AP1S1: variants seen among roughly 807,000 people sequenced by gnomAD.
AP1S1 encodes the protein adaptor related protein complex 1 subunit sigma 1.
A neutral mutation model predicts 23.9 loss-of-function variants in AP1S1; 13 were observed. The ratio of observed to expected loss-of-function variants is 0.54; its 90% CI spans 0.35 to 0.86. The LOEUF (loss-of-function observed/expected upper bound fraction) is 0.86, where lower values mean the gene tolerates loss of function less well. Ranked by LOEUF, AP1S1 falls within the 40% of genes least tolerant of loss-of-function variation. AP1S1 has a pLI of 0.01. For missense variants in AP1S1, 119 were observed against 197.6 expected (o/e 0.60, Z 2.38); for synonymous variants, 84 against 77.7 (o/e 1.08, Z -0.43).
Position 101,154,507 on chromosome 7 carries a change from G to T in AP1S1, c.-8G>T. 1.3e-6 allele frequency: 2 copies of T among 1,573,672 alleles called. No homozygotes were observed. Among genetic ancestry groups the T allele is most frequent in the Non-Finnish European group, 1.7e-6 (2 of 1,160,184 alleles). ...CGAAGTGGGACGCGCCGAGCCGGAG[G>T]CTGCAGGATGGTAGGCTGTGCGAAG... On this transcript the variant is annotated 5_prime_UTR_variant, in exon 1 of 5. Transcript: ENST00000337619.
At chr7:101,155,108 C>A in intron 1 of AP1S1, 3 of 858,092 alleles carry the variant, frequency 3.5e-6, no homozygotes, top group Non-Finnish European at 4.2e-6. Flanking sequence ...CTCTCTGCCC[C>A]CCTTCCCATT....
chr7:101,154,640 C>T (rs1188274004), intron 1 of AP1S1, 123 bp downstream of exon 1: 39 of 1,182,614 alleles, frequency 3.3e-5, no homozygotes, highest in Non-Finnish European at 4.3e-5. Flanking sequence ...AGAGGCCTCC[C>T]TTGCCTCGGC....
intron 1 of AP1S1, among the ~76,000 whole-genome samples, chr7:101,155,952 C>T (rs887105833): frequency 6.6e-6 from 1 of 152,004 alleles, no homozygotes; most frequent in African/African-American, 2.4e-5. Flanking sequence ...AACTAACGGC[C>T]GGGCGCAGTG....
intron 2 of AP1S1, 142 bp from the exon 3 acceptor site, chr7:101,157,235 T>G (rs1584203700): frequency 1.7e-6 from 1 of 601,646 alleles, no homozygotes; most frequent in Admixed American, 2.9e-5. Flanking sequence ...GGCAGGTGAG[T>G]TACTCTTTAC....
chr7:101,157,373 G>T lies in AP1S1; in HGVS notation c.183-4G>T. On this transcript the variant is annotated splice_region_variant and splice_polypyrimidine_tract_variant and intron_variant, in intron 2 of 4. Transcript: ENST00000337619. Reference sequence around the variant, plus strand: ...AGCGATGTCTCATGCGCTCCTCTCCGCAGATATGCCAGCCTCTACTTCTGC... The same window carrying T: ...AGCGATGTCTCATGCGCTCCTCTCCTCAGATATGCCAGCCTCTACTTCTGC... 1.3e-6 allele frequency: 2 copies of T among 1,561,950 alleles called. No individual in the cohort carries two copies. The highest frequency in any genetic ancestry group is 8.7e-7 in the Non-Finnish European group (1 of 1,152,754).
intron 3 of AP1S1, among the ~76,000 whole-genome samples, chr7:101,158,474 CG>C (rs1797029445): frequency 6.6e-6 from 1 of 152,142 alleles, no homozygotes. Context: ...GTCCAGGAAG[CG>C]GGGCTACCAC....
chr7:101,159,297 G>A, intron 4 of AP1S1, 101 bp downstream of exon 4: 1 of 1,493,962 alleles, frequency 6.7e-7, no homozygotes, highest in Non-Finnish European at 9.0e-7. Flanking sequence ...CGTCGCCAAG[G>A]AGCCCCCCCT....
intron 1 of AP1S1, among the ~76,000 whole-genome samples, chr7:101,155,895 G>A (rs1161276659): frequency 6.6e-6 from 1 of 152,134 alleles, no homozygotes; most frequent in East Asian, 1.9e-4. Context: ...CCTTTAGAAA[G>A]CAGACCAGAA....
chr7:101,160,235 G>A (rs987385748), intron 4 of AP1S1, among the ~76,000 whole-genome samples: 3 of 151,842 alleles, frequency 2.0e-5, no homozygotes, highest in East Asian at 1.9e-4. Context: ...GTGTCAAGGC[G>A]GGGCCCCTGC....
intron 4 of AP1S1, 136 bp downstream of exon 4, chr7:101,159,332 C>T (rs148622657): frequency 5.5e-5 from 71 of 1,297,738 alleles, no homozygotes; most frequent in Non-Finnish European, 4.8e-5. Flanking sequence ...ACCCCCACCA[C>T]GCCCAGCTCT....
At position 101,160,521 on chromosome 7, in the gene AP1S1, G is replaced by A; in HGVS notation, c.432G>A (p.Glu144=). 3 of 1,611,790 alleles carry A rather than the reference G, an allele frequency of 1.9e-6. No individual in the cohort carries two copies. Among genetic ancestry groups the A allele is most frequent in the Non-Finnish European group, 2.5e-6 (3 of 1,179,870 alleles). The change falls in exon 5 of 5, where the codon GAG becomes GAA. Residue 144 remains glutamate, a splice_region_variant and synonymous_variant. Transcript: ENST00000337619. ...CCCTCTGTCTGTCTCTGCCTTAGGA[G>A]GATGAGTCGCCACGGAGTGTGCTGG... ...AIEQADLLQE[E]DESPRSVLEE...
At chr7:101,155,426 C>T (rs1255176524) in intron 1 of AP1S1, among the ~76,000 whole-genome samples, 2 of 152,176 alleles carry the variant, frequency 1.3e-5, no homozygotes, top group Admixed American at 1.3e-4. Context: ...CCACTTGACC[C>T]AGCTTGCTGT....
rs1042886623 is a variant in AP1S1 at position 101,160,686 on chromosome 7, C to T, written c.*120C>T. 78 of 1,196,648 alleles carry T rather than the reference C, an allele frequency of 6.5e-5. No individual in the cohort carries two copies. The highest frequency in any genetic ancestry group is 8.7e-5 in the Non-Finnish European group (72 of 823,860). The allele number at this position is 1,196,648 out of a possible 1,614,324, so 74.1% of individuals were successfully genotyped here. On this transcript the variant is annotated 3_prime_UTR_variant, in exon 5 of 5. Transcript: ENST00000337619. ...GGCTGCCCCTCCTCTGCTGCCTCAC[C>T]TTTCGGAGTGAGCTGTGGGCTCAGG... is the stretch of plus-strand genomic sequence containing the variant.
Position 101,159,123 on chromosome 7 carries a change from TG to T in AP1S1, c.364del (p.Asp122MetfsTer11), listed in dbSNP as rs767358930. The T allele has an allele frequency of 9.3e-6, 15 of 1,612,576 alleles. No individual in the cohort carries two copies. Among genetic ancestry groups the T allele is most frequent in the South Asian group, 2.2e-5 (2 of 90,968 alleles). ...KAYFILDEFL[M>X]GGDVQDTSKK... Reference sequence around the variant, plus strand: ...TACTTCATCCTGGATGAGTTTTTGATGGGGGGGGATGTCCAGGACACCTCCA... The same window carrying T: ...TACTTCATCCTGGATGAGTTTTTGATGGGGGGGATGTCCAGGACACCTCCA... On this transcript the variant is annotated frameshift_variant, in exon 4 of 5. Coordinates refer to ENST00000337619, the MANE Select transcript of AP1S1 (RefSeq NM_001283.5). LOFTEE classifies it high-confidence loss of function.
Position 101,160,599 on chromosome 7 carries a change from C to G in AP1S1, c.*33C>G, listed in dbSNP as rs973805264. 5 of 1,607,892 alleles carry G rather than the reference C, an allele frequency of 3.1e-6. No homozygotes were observed. In the Admixed American group the frequency reaches 6.7e-5, roughly 21 times the overall value. ...TGGGCCGGGGTGTGGCGATGGGGTCCTGGCAGCGTGGCGGGAACGGCTGCT... is the reference window on the plus strand; with the variant it reads ...TGGGCCGGGGTGTGGCGATGGGGTCGTGGCAGCGTGGCGGGAACGGCTGCT... On this transcript the variant is annotated 3_prime_UTR_variant, in exon 5 of 5. Transcript: ENST00000337619.
Position 101,159,205 on chromosome 7 carries a change from C to A in AP1S1, c.429+9C>A. 1 of 1,606,612 alleles carries A rather than the reference C, an allele frequency of 6.2e-7. No individual in the cohort carries two copies. Among genetic ancestry groups the A allele is most frequent in the Non-Finnish European group, 8.5e-7 (1 of 1,176,764 alleles). ...CTGACCTACTGCAAGAGGTACGGGC[C>A]AGGGACAGTGAGGAGGAGGAGGAAG... On this transcript the variant is annotated intron_variant, in intron 4 of 4. Coordinates refer to ENST00000337619, the MANE Select transcript of AP1S1 (RefSeq NM_001283.5).
chr7:101,161,053 A>C lies in AP1S1; in HGVS notation c.*487A>C. ...TCTCCTTGGCTGCAGTGGGGCCTTT[A>C]TCCAGTGCCAGGGAGGAACAACATA... On this transcript the variant is annotated 3_prime_UTR_variant, in exon 5 of 5. Transcript: ENST00000337619. The C allele has an allele frequency of 2.9e-6, 1 of 341,720 alleles. No individual in the cohort carries two copies. The highest frequency in any genetic ancestry group is 5.7e-6 in the Non-Finnish European group (1 of 175,056). The allele number at this position is 341,720 out of a possible 1,614,324, so 21.2% of individuals were successfully genotyped here. A position where few individuals can be genotyped will look rare whatever the true frequency, so the allele number is the denominator to read the frequency against.
chr7:101,156,795 A>G lies in AP1S1; in HGVS notation c.182+23A>G, dbSNP rs1279265802. The G allele has an allele frequency of 2.0e-6, 3 of 1,499,568 alleles. No homozygotes were observed. The African/African-American group carries it at 4.2e-5, about 21-fold the overall frequency. The allele number at this position is 1,499,568 out of a possible 1,614,324, so 92.9% of individuals were successfully genotyped here. On this transcript the variant is annotated intron_variant, in intron 2 of 4. Transcript: ENST00000337619. ...GAGGTGACTCCCCACCTACTTTCAG[A>G]CCTGCCTAGATTCAAGTTGGGCAGT...
At position 101,161,175 on chromosome 7, in the gene AP1S1, C is replaced by T; in HGVS notation, c.*609C>T. ...TGGTCCTGGCCCTGGCCTTTCACTC[C>T]AGTTCTGGGTGAGGCAGGAGCTGGG... On this transcript the variant is annotated 3_prime_UTR_variant, in exon 5 of 5. Transcript: ENST00000337619. 4.6e-6 allele frequency: 1 copy of T among 218,184 alleles called. No individual in the cohort carries two copies. Among genetic ancestry groups the T allele is most frequent in the South Asian group, 6.1e-5 (1 of 16,410 alleles). 13.5% of individuals were successfully genotyped at this position (218,184 alleles called of 1,614,324 possible).
Sources: gnomAD v4.1 joint callset for allele counts (sites outside exome capture counted in the v4.1 genomes callset) on GRCh38, gnomAD v4.1.1 for gene constraint, MANE v1.5 for transcripts, NCBI Gene and HGNC (gene_info 2026-07-23, HGNC 2026-07-21) for gene names.